The following NPAS3 variants were observed in gnomAD, a reference collection of about 807,000 sequenced individuals.
The protein encoded by NPAS3 is neuronal PAS domain protein 3.
In NPAS3, 14 loss-of-function variants were observed where a neutral mutation model predicts 73.1. That is an observed-to-expected ratio of 0.19 (90% confidence interval 0.13 to 0.30). The LOEUF (loss-of-function observed/expected upper bound fraction) is 0.30. NPAS3 is among the 10% of genes least tolerant of loss of function. The pLI is 1.00. For missense variants in NPAS3, 1,096 were observed against 1,250.0 expected (o/e 0.88, Z 1.86); for synonymous variants, 620 against 541.5 (o/e 1.14, Z -2.01).
At chr14:33,501,768 C>CT (rs1181945969) in intron 4 of NPAS3, among the ~76,000 whole-genome samples, 1 of 151,828 alleles carries the variant, frequency 6.6e-6, no homozygotes, top group Admixed American at 6.6e-5. Context: ...AAAGGCTCTC[C>CT]TAAGACCTCC....
At chr14:33,421,866 T>G (rs1396986995) in intron 4 of NPAS3, among the ~76,000 whole-genome samples, 1 of 151,920 alleles carries the variant, frequency 6.6e-6, no homozygotes, top group Non-Finnish European at 1.5e-5. Context: ...GATGATTAGA[T>G]TGAAAGATTG....
intron 1 of NPAS3, among the ~76,000 whole-genome samples, chr14:32,972,614 T>C (rs2037482372): frequency 6.6e-6 from 1 of 152,224 alleles, no homozygotes; most frequent in South Asian, 2.1e-4. Flanking sequence ...ATCCAGCAGG[T>C]TGCCCCTGCT....
chr14:33,787,410 C>T (rs1246337531), intron 9 of NPAS3, among the ~76,000 whole-genome samples: 1 of 152,104 alleles, frequency 6.6e-6, no homozygotes, highest in Non-Finnish European at 1.5e-5. Flanking sequence ...AAAACCTCCC[C>T]TGAGGTTGTA....
rs1286809002 is a variant in NPAS3, at chr14:33,554,352, A to C, written c.469-5769A>C. On this transcript the variant is annotated intron_variant, in intron 4 of 11. Transcript: ENST00000356141. ...GAAGGGAAAGTTGAGTATGTCAGAG[A>C]TTATACTCTATCACGTATGGGCATT... Among the ~76,000 whole-genome samples the C allele has an allele frequency of 3.3e-5, 5 of 152,224 alleles. No individual in the cohort carries two copies. The East Asian group carries it at 9.6e-4, about 29-fold the overall frequency.
At chr14:33,152,595 A>G (rs935091813) in intron 2 of NPAS3, among the ~76,000 whole-genome samples, 3 of 152,116 alleles carry the variant, frequency 2.0e-5, no homozygotes, top group South Asian at 2.1e-4. Context: ...TCTCTATTAC[A>G]TCCTTAAGTG....
chr14:32,966,305 A>G (rs963413840), intron 1 of NPAS3, among the ~76,000 whole-genome samples: 2 of 152,182 alleles, frequency 1.3e-5, no homozygotes, highest in Admixed American at 1.3e-4. Context: ...AAAATATACT[A>G]CAAAAGAGTA....
intron 2 of NPAS3, among the ~76,000 whole-genome samples, chr14:33,127,116 T>A (rs2043456336): frequency 6.6e-6 from 1 of 151,946 alleles, no homozygotes; most frequent in Non-Finnish European, 1.5e-5. Context: ...TAAATAAATG[T>A]TTTGGGGCAT....
chr14:33,158,885 G>T (rs555305550), intron 2 of NPAS3, among the ~76,000 whole-genome samples: 2 of 152,266 alleles, frequency 1.3e-5, no homozygotes, highest in South Asian at 4.2e-4. Flanking sequence ...ATTACTGGCC[G>T]GGCGCAGTGG....
chr14:33,600,242 C>G (rs372610024), intron 5 of NPAS3, among the ~76,000 whole-genome samples: 43 of 152,298 alleles, frequency 2.8e-4, no homozygotes, highest in African/African-American at 1.0e-3. Context: ...GTGCCATTAG[C>G]TGACTTTATG....
chr14:33,191,085 CT>C (rs1287573004), intron 2 of NPAS3, among the ~76,000 whole-genome samples: 2 of 152,096 alleles, frequency 1.3e-5, no homozygotes, highest in African/African-American at 4.8e-5. Context: ...GCAAGTGACC[CT>C]TTTCAGAGAC....
chr14:33,359,547 C>T (rs2045496964), intron 3 of NPAS3, among the ~76,000 whole-genome samples: 1 of 152,178 alleles, frequency 6.6e-6, no homozygotes, highest in Non-Finnish European at 1.5e-5. Context: ...GAGGTGACAA[C>T]AGTAAAGCGG....
At chr14:32,996,800 C>T (rs2038593986) in intron 1 of NPAS3, among the ~76,000 whole-genome samples, 2 of 152,330 alleles carry the variant, frequency 1.3e-5, no homozygotes, top group African/African-American at 2.4e-5. Flanking sequence ...AGAACCTCTG[C>T]TAGGGCAGTG....
At chr14:33,307,309 A>G (rs894575801) in intron 3 of NPAS3, among the ~76,000 whole-genome samples, 1 of 152,222 alleles carries the variant, frequency 6.6e-6, no homozygotes, top group Non-Finnish European at 1.5e-5. Flanking sequence ...CATATGTGCA[A>G]CTGATACTAA....
At chr14:33,643,678 C>T (rs1487283303) in intron 5 of NPAS3, among the ~76,000 whole-genome samples, 1 of 152,096 alleles carries the variant, frequency 6.6e-6, no homozygotes, top group African/African-American at 2.4e-5. Flanking sequence ...GCTACTTTGC[C>T]ACAGTGGATT....
At chr14:33,181,919 CACAG>C (rs1566648093) in intron 2 of NPAS3, among the ~76,000 whole-genome samples, 1 of 152,192 alleles carries the variant, frequency 6.6e-6, no homozygotes, top group African/African-American at 2.4e-5. Context: ...TTGACAGATA[CACAG>C]ACAGTAAGGT....
At chr14:33,268,385 A>G (rs544615160) in intron 3 of NPAS3, among the ~76,000 whole-genome samples, 1 of 152,338 alleles carries the variant, frequency 6.6e-6, no homozygotes, top group South Asian at 2.1e-4. Context: ...CTAATATAGT[A>G]AGACATAATT....
intron 9 of NPAS3, among the ~76,000 whole-genome samples, chr14:33,792,193 T>A (rs1016005414): frequency 1.2e-4 from 19 of 152,076 alleles, no homozygotes; most frequent in African/African-American, 4.6e-4. Flanking sequence ...GAACTTACAA[T>A]TGCCTACAAA....
chr14:33,361,534 A>G (rs1217512957), intron 3 of NPAS3, among the ~76,000 whole-genome samples: 10 of 152,226 alleles, frequency 6.6e-5, no homozygotes, highest in Non-Finnish European at 1.2e-4. Flanking sequence ...GTTCATTTAT[A>G]AGTATTAAAA....
At chr14:33,123,393 G>A (rs994582159) in intron 2 of NPAS3, among the ~76,000 whole-genome samples, 2 of 152,110 alleles carry the variant, frequency 1.3e-5, no homozygotes, top group African/African-American at 2.4e-5. Flanking sequence ...TACTTGACTA[G>A]GAGTTGGGGT....
Sources: allele counts gnomAD v4.1 joint callset (sites outside exome capture counted in the v4.1 genomes callset), GRCh38; gene constraint gnomAD v4.1.1; transcripts MANE v1.5; gene names NCBI Gene and HGNC (gene_info 2026-07-23, HGNC 2026-07-21).